The following LVRN variants were observed in gnomAD, a reference collection of about 807,000 sequenced individuals.
LVRN encodes aminopeptidase Q.
In LVRN, 99 loss-of-function variants were observed where a neutral mutation model predicts 111.4. The observed-to-expected ratio is 0.89, with a 90% CI of 0.76 to 1.05. The LOEUF (loss-of-function observed/expected upper bound fraction) is 1.05, where lower values mean the gene tolerates loss of function less well. LVRN is among the 50% of genes least tolerant of loss of function. LVRN has a pLI of 0.00. For missense variants in LVRN, 1,414 were observed against 1,206.8 expected, an observed-to-expected ratio of 1.17 and a Z score of -2.54; for synonymous variants, 488 against 449.5, an observed-to-expected ratio of 1.09 and a Z score of -1.08.
intron 18 of LVRN, among the ~76,000 whole-genome samples, chr5:116,016,846 A>G (rs2112637134): frequency 6.8e-6 from 1 of 148,052 alleles, no homozygotes; most frequent in Non-Finnish European, 1.5e-5. Context: ...CAACCCTCTC[A>G]TTTGGTTCTG....
In LVRN at chr5:115,963,098, C is replaced by G; in HGVS notation, c.481C>G (p.Pro161Ala). 6.2e-7 allele frequency: 1 copy of G among 1,613,622 alleles called. No individual in the cohort carries two copies. Among genetic ancestry groups the G allele is most frequent in the Non-Finnish European group, 8.5e-7 (1 of 1,179,956 alleles). ...QDCERAEVRG[P>A]LSPGTGNATV... ...CTGCGAGCGCGCCGAGGTGCGGGGA[C>G]CCCTTTCCCCGGGCACTGGGAACGC... Residue 161 changes from proline to alanine, a missense_variant, in exon 1 of 20, where the codon CCC (proline) becomes GCC (alanine). Transcript: ENST00000357872.
At chr5:115,988,959 C>A (rs2112579488) in intron 4 of LVRN, among the ~76,000 whole-genome samples, 1 of 152,206 alleles carries the variant, frequency 6.6e-6, no homozygotes, top group Non-Finnish European at 1.5e-5. Flanking sequence ...CATCCTGTCC[C>A]CTTGAAGCAC....
intron 1 of LVRN, among the ~76,000 whole-genome samples, chr5:115,973,247 A>T (rs1753365141): frequency 6.6e-6 from 1 of 152,238 alleles, no homozygotes; most frequent in African/African-American, 2.4e-5. Flanking sequence ...AATTCTTGAA[A>T]TAAATTCCAG....
intron 12 of LVRN, 131 bp from the exon 13 acceptor site, chr5:116,005,781 C>T: frequency 1.3e-6 from 1 of 741,042 alleles, no homozygotes. Flanking sequence ...ATTGTTGTTT[C>T]TCTGCAGATG....
At chr5:115,999,265 C>G (rs918117631) in intron 6 of LVRN, among the ~76,000 whole-genome samples, 2 of 152,076 alleles carry the variant, frequency 1.3e-5, no homozygotes, top group African/African-American at 4.8e-5. Context: ...ATGCATGAGC[C>G]ATAAACTGTA....
Position 115,962,931 on chromosome 5 carries a change from T to C in LVRN, c.314T>C (p.Leu105Pro). ...CGCCTGCCGCCCTGGCTCGTGCCGCTGCACTACGATCTGGAGCTGTGGCCG... is the reference window on the plus strand; with the variant it reads ...CGCCTGCCGCCCTGGCTCGTGCCGCCGCACTACGATCTGGAGCTGTGGCCG... ...QLRLPPWLVP[L>P]HYDLELWPQL... is the part of the protein sequence containing the mutation. The change falls in exon 1 of 20, where the codon CTG becomes CCG. Residue 105 changes from leucine (L) to proline (P), a missense_variant. Physicochemically the swap from Leu to Pro is moderately conservative, Grantham distance 98. Transcript: ENST00000357872. 6.2e-7 allele frequency: 1 copy of C among 1,612,954 alleles called. No homozygotes were observed. The highest frequency in any genetic ancestry group is 8.5e-7 in the Non-Finnish European group (1 of 1,179,760).
At chr5:115,985,595 A>T (rs957317163) in intron 3 of LVRN, among the ~76,000 whole-genome samples, 4 of 152,318 alleles carry the variant, frequency 2.6e-5, no homozygotes, top group Admixed American at 2.0e-4. Context: ...CAGAAGTTAC[A>T]TAGTGGATTA....
chr5:116,025,151 T>C (rs1748835363), intron 19 of LVRN, among the ~76,000 whole-genome samples: 1 of 152,062 alleles, frequency 6.6e-6, no homozygotes, highest in South Asian at 2.1e-4. Context: ...CCGGCAGGTG[T>C]GAGAAGGGAA....
intron 6 of LVRN, among the ~76,000 whole-genome samples, chr5:115,997,758 A>T (rs1172391398): frequency 6.6e-6 from 1 of 152,144 alleles, no homozygotes; most frequent in Non-Finnish European, 1.5e-5. Context: ...TTATCTAATC[A>T]CTATATGCAG....
chr5:116,013,073 T>C (rs1291521280), intron 15 of LVRN, among the ~76,000 whole-genome samples: 3 of 152,126 alleles, frequency 2.0e-5, no homozygotes, highest in Non-Finnish European at 4.4e-5. Flanking sequence ...AAGTTTTGTG[T>C]GTAGGATGGT....
chr5:115,990,859 A>G (rs1442541555), intron 4 of LVRN, among the ~76,000 whole-genome samples: 1 of 152,174 alleles, frequency 6.6e-6, no homozygotes, highest in East Asian at 1.9e-4. Context: ...CGCATAAGCC[A>G]CCATGCCTGG....
intron 18 of LVRN, chr5:116,021,624 T>C: frequency 2.9e-6 from 1 of 345,016 alleles, no homozygotes; most frequent in Non-Finnish European, 5.6e-6. Flanking sequence ...GTAAATCAAT[T>C]GTATATATTA....
At chr5:115,999,300 C>T (rs1748187854) in intron 6 of LVRN, among the ~76,000 whole-genome samples, 1 of 152,074 alleles carries the variant, frequency 6.6e-6, no homozygotes, top group Admixed American at 6.5e-5. Context: ...GATTTATTTT[C>T]AATTTTAAAT....
At chr5:115,997,281 G>A (rs1300719689) in intron 6 of LVRN, among the ~76,000 whole-genome samples, 1 of 152,034 alleles carries the variant, frequency 6.6e-6, no homozygotes, top group Non-Finnish European at 1.5e-5. Flanking sequence ...TCGTACACAG[G>A]CACTTTAACT....
chr5:116,012,344 C>G (rs372685469), intron 14 of LVRN, 30 bp from the exon 15 acceptor site: 10 of 1,217,376 alleles, frequency 8.2e-6, no homozygotes, highest in Non-Finnish European at 1.2e-5. Flanking sequence ...CAAGCCAGAA[C>G]TAACAGTGTA....
chr5:115,972,451 T>A (rs1032895943), intron 1 of LVRN, among the ~76,000 whole-genome samples: 2 of 151,642 alleles, frequency 1.3e-5, no homozygotes, highest in African/African-American at 4.8e-5. Flanking sequence ...CTTTGCTAAA[T>A]CACTTCTTCA....
chr5:115,969,089 C>G (rs748279952), intron 1 of LVRN, among the ~76,000 whole-genome samples: 1 of 152,168 alleles, frequency 6.6e-6, no homozygotes, highest in Non-Finnish European at 1.5e-5. Flanking sequence ...TTCAAGAGGT[C>G]TCCTCTTTCT....
At chr5:115,971,604 T>G (rs1156994700) in intron 1 of LVRN, among the ~76,000 whole-genome samples, 1 of 152,162 alleles carries the variant, frequency 6.6e-6, no homozygotes, top group Admixed American at 6.5e-5. Flanking sequence ...TCTGCACTTC[T>G]GTAAAAAAAT....
chr5:116,018,561 A>T (rs981679137), intron 18 of LVRN, among the ~76,000 whole-genome samples: 2 of 151,990 alleles, frequency 1.3e-5, no homozygotes, highest in Admixed American at 1.3e-4. Context: ...AATCCCAGCT[A>T]CTCAGGAAGC....
Sources: allele counts gnomAD v4.1 joint callset (sites outside exome capture counted in the v4.1 genomes callset), GRCh38; gene constraint gnomAD v4.1.1; transcripts MANE v1.5; gene names NCBI Gene and HGNC (gene_info 2026-07-23, HGNC 2026-07-21).